The following KCTD1 variants were observed in gnomAD, a reference collection of about 807,000 sequenced individuals.
KCTD1 encodes potassium channel tetramerization domain containing 1.
Under a neutral mutation model 66.0 loss-of-function variants are expected in KCTD1, and 24 were observed. The observed-to-expected ratio is 0.36, with a 90% CI of 0.26 to 0.51. The LOEUF is 0.51. KCTD1 is among the 20% of genes least tolerant of loss of function. The pLI, the probability that KCTD1 is intolerant of heterozygous loss-of-function variation, is 0.95. For missense variants in KCTD1, 943 were observed against 1,205.2 expected, an observed-to-expected ratio of 0.78 and a Z score of 3.22; for synonymous variants, 511 against 517.2, an observed-to-expected ratio of 0.99 and a Z score of 0.16.
At chr18:26,541,582 A>G (rs1984976811) in intron 1 of KCTD1, among the ~76,000 whole-genome samples, 1 of 152,218 alleles carries the variant, frequency 6.6e-6, no homozygotes, top group Non-Finnish European at 1.5e-5. Context: ...GCTATATGCT[A>G]TAAGCTAAAA....
At chr18:26,623,353 C>T (rs1398349229) in intron 1 of KCTD1, among the ~76,000 whole-genome samples, 7 of 152,074 alleles carry the variant, frequency 4.6e-5, no homozygotes, top group Non-Finnish European at 1.0e-4. Flanking sequence ...GACTGTGTCC[C>T]CACCCAAATC....
At chr18:26,486,653 C>T (rs1981935082) in intron 2 of KCTD1, among the ~76,000 whole-genome samples, 1 of 152,156 alleles carries the variant, frequency 6.6e-6, no homozygotes, top group Non-Finnish European at 1.5e-5. Flanking sequence ...TGGGCCCGTC[C>T]CCCTGTGACT....
intron 1 of KCTD1, among the ~76,000 whole-genome samples, chr18:26,510,357 A>G (rs898707454): frequency 6.6e-6 from 1 of 152,228 alleles, no homozygotes; most frequent in African/African-American, 2.4e-5. Context: ...TCACAGAATT[A>G]AAAACAAATT....
upstream of KCTD1, among the ~76,000 whole-genome samples, chr18:26,551,280 A>G (rs1006485000): frequency 2.0e-5 from 3 of 152,314 alleles, no homozygotes; most frequent in Admixed American, 2.0e-4. Context: ...GCAGGTCTCT[A>G]CTGGCAAAAG....
intron 1 of KCTD1, among the ~76,000 whole-genome samples, chr18:26,647,331 A>AAC (rs749067821): frequency 1.7e-5 from 2 of 116,530 alleles, no homozygotes; most frequent in East Asian, 2.7e-4. Context: ...AGATAGTGAA[A>AAC]CCCCCCCCCC....
chr18:26,619,588 C>T (rs887274000), intron 1 of KCTD1, among the ~76,000 whole-genome samples: 2 of 152,060 alleles, frequency 1.3e-5, no homozygotes, highest in Non-Finnish European at 2.9e-5. Flanking sequence ...TGCTGGCTGT[C>T]GACAGCTATT....
intron 1 of KCTD1, among the ~76,000 whole-genome samples, chr18:26,647,048 A>G (rs1035997733): frequency 1.2e-4 from 18 of 152,290 alleles, no homozygotes; most frequent in African/African-American, 4.3e-4. Context: ...GGCTATTTCT[A>G]CTAAGTGGGG....
chr18:26,635,002 A>G (rs113355897), intron 1 of KCTD1, among the ~76,000 whole-genome samples: 281 of 152,340 alleles, frequency 1.8e-3, no homozygotes, highest in African/African-American at 5.9e-3. Flanking sequence ...AATAAAATTA[A>G]TGATAAAAAT....
upstream of KCTD1, among the ~76,000 whole-genome samples, chr18:26,643,151 T>C (rs1987863195): frequency 6.6e-6 from 1 of 152,338 alleles, no homozygotes; most frequent in South Asian, 2.1e-4. Context: ...GCTCTCTCTC[T>C]GGCTCGCCGA....
intron 1 of KCTD1, among the ~76,000 whole-genome samples, chr18:26,605,967 A>G (rs1049495205): frequency 1.3e-5 from 2 of 152,158 alleles, no homozygotes; most frequent in Admixed American, 1.3e-4. Flanking sequence ...TGGTTGGGGC[A>G]TGGCTTGCTT....
At position 26,547,323 on chromosome 18, in the gene KCTD1, A is replaced by AT. The variant is rs1351167532; in HGVS notation, c.1213_1214insA (p.Phe405TyrfsTer212). The AT allele has an allele frequency of 6.4e-7, 1 of 1,551,572 alleles. No homozygotes were observed. The highest frequency in any genetic ancestry group is 2.0e-5 in the Admixed American group (1 of 50,998). On this transcript the variant is annotated frameshift_variant, in exon 1 of 5. Transcript: ENST00000580059. LOFTEE classifies it high-confidence loss of function. The stretch of plus-strand genomic sequence containing the variant: ...GCAGTGGTCCCGGGGCCGCTGGAAG[A>AT]ACGCCTTGCAGAGAGGGTTGCGTTT...
chr18:26,459,603 G>A lies in KCTD1; in HGVS notation c.2439+17C>T. Reference sequence around the variant, plus strand: ...AGAGTGGCATTTGATGCCACACAGTGCGTAACAATGCTATACCTGGACTGA... The same window carrying A: ...AGAGTGGCATTTGATGCCACACAGTACGTAACAATGCTATACCTGGACTGA... On this transcript the variant is annotated intron_variant, in intron 4 of 4. Coordinates refer to ENST00000580059, the MANE Select transcript of KCTD1 (RefSeq NM_001142730.3). 1 of 1,568,214 alleles carries A rather than the reference G, an allele frequency of 6.4e-7. No homozygotes were observed. The highest frequency in any genetic ancestry group is 1.2e-5 in the South Asian group (1 of 82,558).
chr18:26,614,570 CAG>C (rs1170325061), intron 1 of KCTD1, among the ~76,000 whole-genome samples: 5 of 152,102 alleles, frequency 3.3e-5, no homozygotes, highest in Non-Finnish European at 7.3e-5. Context: ...TAGGAGTTGA[CAG>C]AATGCTTTGG....
chr18:26,632,284 G>T (rs1987637874), upstream of KCTD1, among the ~76,000 whole-genome samples: 1 of 151,880 alleles, frequency 6.6e-6, no homozygotes, highest in Admixed American at 6.6e-5. Flanking sequence ...TACTCGGGAG[G>T]ATGAGGCAGG....
intron 2 of KCTD1, among the ~76,000 whole-genome samples, chr18:26,493,810 T>C (rs1598895111): frequency 6.6e-6 from 1 of 152,324 alleles, no homozygotes; most frequent in Non-Finnish European, 1.5e-5. Context: ...TCTTTCTAGA[T>C]ACTTTCTGTA....
chr18:26,626,176 A>C (rs949891391), intron 1 of KCTD1, among the ~76,000 whole-genome samples: 13 of 151,968 alleles, frequency 8.6e-5, no homozygotes, highest in South Asian at 4.2e-4. Context: ...CAAAAAAAAA[A>C]ACCTTTTATT....
chr18:26,648,962 T>C (rs905705035), intron 1 of KCTD1, among the ~76,000 whole-genome samples: 10 of 152,228 alleles, frequency 6.6e-5, no homozygotes, highest in Non-Finnish European at 1.5e-4. Context: ...AGGCATTGTA[T>C]TGGTGTTACA....
chr18:26,508,702 AAT>A (rs200256795), intron 1 of KCTD1, among the ~76,000 whole-genome samples: 17 of 148,594 alleles, frequency 1.1e-4, no homozygotes, highest in Non-Finnish European at 1.6e-4. Flanking sequence ...CCTGGATTTA[AAT>A]ATATTTCTCT....
rs1358865499 is a variant in KCTD1 at position 26,454,973 on chromosome 18, C to CTTATT, written c.*765_*769dup. ...CCCCACATGTGTGTTTCACACAGAC[C>CTTATT]TTATTTTTTAAACAGAGTTTATTGT... On this transcript the variant is annotated 3_prime_UTR_variant, in exon 5 of 5. Transcript: ENST00000580059. 6.6e-6 allele frequency: 1 copy of CTTATT among 152,610 alleles called. No homozygotes were observed. Among genetic ancestry groups the CTTATT allele is most frequent in the East Asian group, 1.9e-4 (1 of 5,200 alleles). 9.5% of individuals were successfully genotyped at this position (152,610 alleles called of 1,614,324 possible).
Sources: gnomAD v4.1 joint callset for allele counts (sites outside exome capture counted in the v4.1 genomes callset) on GRCh38, gnomAD v4.1.1 for gene constraint, MANE v1.5 for transcripts, NCBI Gene and HGNC (gene_info 2026-07-23, HGNC 2026-07-21) for gene names.